PARD3: variants seen among roughly 807,000 people sequenced by gnomAD.
PARD3 encodes the protein par-3 family cell polarity regulator, also known as partitioning defective 3 homolog.
Under a neutral mutation model 155.4 loss-of-function variants are expected in PARD3, and 75 were observed. That is an observed-to-expected ratio of 0.48 (90% CI 0.40 to 0.58). The LOEUF is 0.58. Ranked by LOEUF, PARD3 falls within the 20% of genes least tolerant of loss-of-function variation. The pLI, the probability that PARD3 is intolerant of heterozygous loss-of-function variation, is 0.00. For synonymous variants in PARD3, 576 were observed against 610.5 expected (o/e 0.94, Z 0.83); for missense variants, 1,642 against 1,721.7 (o/e 0.95, Z 0.82).
chr10:34,314,709 C>T (rs1025808694), intron 20 of PARD3, among the ~76,000 whole-genome samples: 1 of 152,110 alleles, frequency 6.6e-6, no homozygotes, highest in Non-Finnish European at 1.5e-5. Flanking sequence ...GCTGCACAGT[C>T]GTCATTATAT....
intron 22 of PARD3, among the ~76,000 whole-genome samples, chr10:34,250,225 T>C (rs1396808697): frequency 2.0e-5 from 3 of 150,214 alleles, no homozygotes; most frequent in African/African-American, 2.5e-5. Context: ...AAAAAAAAAG[T>C]TGGATCAATT....
At chr10:34,697,796 T>C (rs971163938) in intron 1 of PARD3, among the ~76,000 whole-genome samples, 1 of 64,142 alleles carries the variant, frequency 1.6e-5, no homozygotes, top group Non-Finnish European at 4.3e-5. Flanking sequence ...CACACACACG[T>C]TGGCATCCTC....
chr10:34,157,464 T>C (rs1949061907), intron 22 of PARD3, among the ~76,000 whole-genome samples: 1 of 152,216 alleles, frequency 6.6e-6, no homozygotes, highest in South Asian at 2.1e-4. Flanking sequence ...AGACCTCTGA[T>C]CTACATTGTC....
intron 2 of PARD3, among the ~76,000 whole-genome samples, chr10:34,681,678 C>T (rs1481025771): frequency 1.7e-5 from 2 of 116,634 alleles, no homozygotes; most frequent in South Asian, 2.8e-4. Context: ...ATATAATATA[C>T]ATGTATATAA....
At chr10:34,439,769 C>T (rs925527441) in intron 5 of PARD3, among the ~76,000 whole-genome samples, 1 of 152,096 alleles carries the variant, frequency 6.6e-6, no homozygotes, top group African/African-American at 2.4e-5. Context: ...TACGTGCCTA[C>T]TATAAAGGAC....
chr10:34,389,849 T>G (rs1200661257), intron 7 of PARD3, among the ~76,000 whole-genome samples: 2 of 152,080 alleles, frequency 1.3e-5, no homozygotes, highest in African/African-American at 2.4e-5. Context: ...TTAGAAAAAC[T>G]TCAATGAATG....
intron 22 of PARD3, among the ~76,000 whole-genome samples, chr10:34,230,561 A>G (rs1163807485): frequency 6.6e-6 from 1 of 152,074 alleles, no homozygotes; most frequent in Non-Finnish European, 1.5e-5. Context: ...CCTCCTCCAA[A>G]TTATTTTTCC....
At position 34,665,840 on chromosome 10, in the gene PARD3, A is replaced by AACAC. The variant is rs1554804219; in HGVS notation, c.222+30477_222+30478insGTGT. On this transcript the variant is annotated intron_variant, in intron 2 of 24. Coordinates refer to ENST00000374788, the MANE Select transcript of PARD3 (RefSeq NM_001184785.2). ...GCTTTTTGAGACTTCGTCTCAATTA[A>AACAC]AGAACAGAACAGAACAGAACAGAAC... Among the ~76,000 whole-genome samples the AACAC allele has an allele frequency of 2.0e-3, 270 of 136,646 alleles. 3 individuals carry two copies. Among genetic ancestry groups the AACAC allele is most frequent in the African/African-American group, 7.3e-3 (252 of 34,516 alleles). The allele number at this position is 136,646 out of a possible 152,430, so 89.6% of individuals were successfully genotyped here.
chr10:34,214,654 A>C (rs1951913730), intron 22 of PARD3, among the ~76,000 whole-genome samples: 1 of 151,776 alleles, frequency 6.6e-6, no homozygotes, highest in Admixed American at 6.6e-5. Context: ...CTGTCTCTGC[A>C]AAAAATAAAA....
At chr10:34,527,248 C>T (rs2082548578) in intron 2 of PARD3, among the ~76,000 whole-genome samples, 1 of 152,196 alleles carries the variant, frequency 6.6e-6, no homozygotes, top group Non-Finnish European at 1.5e-5. Context: ...CCAGCCCTGG[C>T]ATTTAAAGAC....
At chr10:34,449,928 G>T (rs1275152954) in intron 5 of PARD3, among the ~76,000 whole-genome samples, 1 of 152,142 alleles carries the variant, frequency 6.6e-6, no homozygotes, top group East Asian at 1.9e-4. Context: ...GTGAAGTTAG[G>T]TACAACAGAA....
rs373475823 is a variant in PARD3 at position 34,230,059 on chromosome 10, A to G, written c.3419+39598T>C. On this transcript the variant is annotated intron_variant, in intron 22 of 24. Transcript: ENST00000374788. ...GAGGTGCGACAGAAAAGGCAAATAC[A>G]TTAGTGTCAAATATGAATAACCTTT... 5.5e-4 allele frequency among the ~76,000 whole-genome samples: 83 copies of G among 152,282 alleles called. No homozygotes were observed. The South Asian group carries it at 0.016, about 30-fold the overall frequency.
At chr10:34,621,614 A>G (rs2091683381) in intron 2 of PARD3, among the ~76,000 whole-genome samples, 1 of 152,228 alleles carries the variant, frequency 6.6e-6, no homozygotes, top group South Asian at 2.1e-4. Context: ...ACAAACTGAA[A>G]GAAAGAGCAC....
At chr10:34,805,672 C>T (rs1396566607) in intron 1 of PARD3, among the ~76,000 whole-genome samples, 1 of 151,198 alleles carries the variant, frequency 6.6e-6, no homozygotes, top group East Asian at 2.0e-4. Context: ...AGATACTTAC[C>T]TTGAGACAAT....
At chr10:34,326,058 T>A (rs546635012) in intron 19 of PARD3, among the ~76,000 whole-genome samples, 6 of 150,796 alleles carry the variant, frequency 4.0e-5, no homozygotes, top group Admixed American at 2.0e-4. Flanking sequence ...ACCTGGGAGT[T>A]GGAGGTTGCA....
At position 34,684,778 on chromosome 10, in the gene PARD3, TACACACACACACACACAC is replaced by T. The variant is rs3087285; in HGVS notation, c.222+11522_222+11539del. Among the ~76,000 whole-genome samples the T allele has an allele frequency of 1.5e-3, 179 of 119,116 alleles. 1 individual carries two copies. The highest frequency in any genetic ancestry group is 0.013 in the Middle Eastern group (3 of 230). 78.1% of individuals were successfully genotyped at this position (119,116 alleles called of 152,430 possible). A position where few individuals can be genotyped will look rare whatever the true frequency, so the allele number is the denominator to read the frequency against. The stretch of plus-strand genomic sequence containing the variant: ...TATAAGACTTTGGCTTGATGATACA[TACACACACACACACACAC>T]ACACACACACACACACACACACACA... On this transcript the variant is annotated intron_variant, in intron 2 of 24. Transcript: ENST00000374788.
At chr10:34,172,738 C>G (rs933758665) in intron 22 of PARD3, among the ~76,000 whole-genome samples, 1 of 130,110 alleles carries the variant, frequency 7.7e-6, no homozygotes, top group African/African-American at 2.8e-5. Flanking sequence ...AAAACAAAAA[C>G]AAAAAAACAA....
rs950719830 is a variant in PARD3 at position 34,672,313 on chromosome 10, C to T, written c.222+24005G>A. Among the ~76,000 whole-genome samples the T allele has an allele frequency of 2.6e-5, 4 of 152,290 alleles. No homozygotes were observed. The South Asian group carries it at 8.3e-4, about 32-fold the overall frequency. ...AACATAAATTACAGTGCAGCTGGTTCACAACCCAAAAAGGTAAACAAAAAA... is the reference window on the plus strand; with the variant it reads ...AACATAAATTACAGTGCAGCTGGTTTACAACCCAAAAAGGTAAACAAAAAA... On this transcript the variant is annotated intron_variant, in intron 2 of 24. Coordinates refer to ENST00000374788, the MANE Select transcript of PARD3 (RefSeq NM_001184785.2).
intron 5 of PARD3, among the ~76,000 whole-genome samples, chr10:34,422,743 C>A (rs2075383333): frequency 6.6e-6 from 1 of 152,102 alleles, no homozygotes; most frequent in African/African-American, 2.4e-5. Flanking sequence ...ATATCACCTT[C>A]CACCTGTTAC....
Sources: allele counts gnomAD v4.1 joint callset (sites outside exome capture counted in the v4.1 genomes callset), GRCh38; gene constraint gnomAD v4.1.1; transcripts MANE v1.5; gene names NCBI Gene and HGNC (gene_info 2026-07-23, HGNC 2026-07-21).